Variants in DMD observed in about 807,000 individuals in gnomAD.
The protein encoded by DMD is mutant dystrophin.
A neutral mutation model predicts 330.1 loss-of-function variants in DMD; 63 were observed. The observed-to-expected ratio is 0.19, with a 90% CI of 0.16 to 0.24. DMD has a LOEUF of 0.24. DMD is among the 10% of genes least tolerant of loss of function. DMD has a pLI of 1.00. For synonymous variants in DMD, 1,223 were observed against 959.8 expected (o/e 1.27, Z -5.07); for missense variants, 3,344 against 2,684.1 (o/e 1.25, Z -5.43).
At chrX:33,020,440 A>G (rs759234377) in intron 1 of DMD, among the ~76,000 whole-genome samples, 2 of 112,155 alleles carry the variant, frequency 1.8e-5, no homozygotes, top group South Asian at 7.4e-4. Context: ...TTGGGAGGCC[A>G]GTGAGGACGG....
At chrX:32,489,403 A>G (rs1002273220) in intron 20 of DMD, among the ~76,000 whole-genome samples, 1 of 110,518 alleles carries the variant, frequency 9.0e-6, no homozygotes, top group Admixed American at 9.7e-5. Context: ...GGCAGAGATA[A>G]AGAGAGAGAG....
intron 11 of DMD, among the ~76,000 whole-genome samples, chrX:32,642,649 G>T (rs1315308141): frequency 8.9e-6 from 1 of 111,969 alleles, no homozygotes; most frequent in Admixed American, 9.5e-5. Context: ...GATAAGCAAA[G>T]AAAAAGTTGC....
intron 9 of DMD, among the ~76,000 whole-genome samples, chrX:32,683,225 G>T (rs775173259): frequency 3.6e-5 from 4 of 111,164 alleles, no homozygotes; most frequent in Non-Finnish European, 7.5e-5. Flanking sequence ...TCTATTGAAA[G>T]AAGGAGTGGC....
At chrX:33,248,380 A>AT (rs2052707237) in intron 1 of DMD, among the ~76,000 whole-genome samples, 1 of 112,012 alleles carries the variant, frequency 8.9e-6, no homozygotes, top group Non-Finnish European at 1.9e-5. Context: ...TTAACTTTTA[A>AT]TTTTTCACCT....
intron 1 of DMD, among the ~76,000 whole-genome samples, chrX:33,329,133 T>G (rs767880138): frequency 8.9e-5 from 10 of 111,794 alleles, no homozygotes; most frequent in Non-Finnish European, 1.7e-4. Context: ...GGAAATGTTA[T>G]CCTTACTATA....
Position 32,183,737 on chromosome X carries a change from T to C in DMD, c.6438+33179A>G, listed in dbSNP as rs756174199. Among the ~76,000 whole-genome samples the C allele has an allele frequency of 2.8e-3, 312 of 109,663 alleles. 2 individuals carry two copies. The highest frequency in any genetic ancestry group is 4.8e-3 in the Non-Finnish European group (252 of 52,449). The stretch of plus-strand genomic sequence containing the variant: ...CAAACTAAGAGCTTCATTTACAGAC[T>C]GTACTTGTATCATGAGTTCCCAAAC... On this transcript the variant is annotated intron_variant, in intron 44 of 78. Coordinates refer to ENST00000357033, the MANE Select transcript of DMD (RefSeq NM_004006.3).
chrX:32,735,364 T>C (rs374833659), intron 7 of DMD, among the ~76,000 whole-genome samples: 12 of 110,508 alleles, frequency 1.1e-4, no homozygotes, highest in Non-Finnish European at 1.5e-4. Flanking sequence ...AGATTCAATG[T>C]CATCCCCATC....
At chrX:32,914,424 G>C (rs1340581436) in intron 2 of DMD, among the ~76,000 whole-genome samples, 3 of 112,387 alleles carry the variant, frequency 2.7e-5, no homozygotes, top group Admixed American at 1.9e-4. Flanking sequence ...AGCGACTTTA[G>C]GCTCATAGTA....
intron 12 of DMD, among the ~76,000 whole-genome samples, chrX:32,613,923 C>A (rs1419895509): frequency 9.0e-6 from 1 of 110,815 alleles, no homozygotes. Context: ...AATCCAAGAT[C>A]AAGATGTTAG....
At chrX:33,114,716 T>G in intron 1 of DMD, among the ~76,000 whole-genome samples, 1 of 110,891 alleles carries the variant, frequency 9.0e-6, no homozygotes, top group Non-Finnish European at 1.9e-5. Flanking sequence ...AAAACATAAA[T>G]AATAATATTT....
At chrX:33,226,003 G>T (rs762307499) in intron 1 of DMD, among the ~76,000 whole-genome samples, 1 of 111,133 alleles carries the variant, frequency 9.0e-6, no homozygotes, top group African/African-American at 3.3e-5. Context: ...AGGGAAATTC[G>T]AATTAAAACC....
chrX:31,137,369 A>C (rs1200558830), intron 76 of DMD, among the ~76,000 whole-genome samples: 3 of 111,844 alleles, frequency 2.7e-5, no homozygotes, highest in Non-Finnish European at 5.6e-5. Flanking sequence ...GCATGAGTAG[A>C]AGTGAATCAA....
At chrX:32,757,974 G>C (rs975687067) in intron 7 of DMD, among the ~76,000 whole-genome samples, 1 of 111,599 alleles carries the variant, frequency 9.0e-6, no homozygotes, top group Non-Finnish European at 1.9e-5. Context: ...AGAGGAGGGA[G>C]GAAAATAAAT....
At chrX:32,370,728 T>C (rs934991503) in intron 34 of DMD, among the ~76,000 whole-genome samples, 23 of 111,081 alleles carry the variant, frequency 2.1e-4, no homozygotes, top group African/African-American at 7.2e-4. Context: ...AATGAGAGTA[T>C]AACAGACTTT....
chrX:31,952,336 T>C (rs1201069006), intron 45 of DMD, among the ~76,000 whole-genome samples: 1 of 111,508 alleles, frequency 9.0e-6, no homozygotes, highest in Non-Finnish European at 1.9e-5. Context: ...AACATCTACA[T>C]TGATATGCTC....
intron 2 of DMD, among the ~76,000 whole-genome samples, chrX:32,859,461 TCA>T (rs35537635): frequency 0.18 from 15,092 of 85,512 alleles, 1,473 homozygotes; most frequent in Non-Finnish European, 0.24. Context: ...AAGCAAGATC[TCA>T]CACACACACA....
chrX:33,328,960 A>G (rs892495096), intron 1 of DMD, among the ~76,000 whole-genome samples: 4 of 111,841 alleles, frequency 3.6e-5, no homozygotes, highest in African/African-American at 1.3e-4. Context: ...AAGATCTCAT[A>G]CCTATAAAAA....
rs765064329 is a variant in DMD at position 31,616,781 on chromosome X, T to C, written c.8217+10892A>G. Among the ~76,000 whole-genome samples, 5 of 111,107 alleles carry C rather than the reference T, an allele frequency of 4.5e-5. No individual in the cohort carries two copies. In the South Asian group the frequency reaches 1.1e-3, roughly 25 times the overall value. ...GGAATGAGTGGAGGAGGGTAAAAAA[T>C]AGTAAGAGTGTGAATGAGAGTGGAG... On this transcript the variant is annotated intron_variant, in intron 55 of 78. Coordinates refer to ENST00000357033, the MANE Select transcript of DMD (RefSeq NM_004006.3).
chrX:32,480,614 C>T (rs755899475), intron 21 of DMD, among the ~76,000 whole-genome samples: 28 of 111,094 alleles, frequency 2.5e-4, no homozygotes, highest in Non-Finnish European at 5.7e-5. Flanking sequence ...TGTACATACA[C>T]AGTATGTGTA....
Sources: gnomAD v4.1 joint callset for allele counts (sites outside exome capture counted in the v4.1 genomes callset) on GRCh38, gnomAD v4.1.1 for gene constraint, MANE v1.5 for transcripts, NCBI Gene and HGNC (gene_info 2026-07-23, HGNC 2026-07-21) for gene names.